The following CDKN2A variants were observed in gnomAD, a reference collection of about 807,000 sequenced individuals.
CDKN2A encodes the protein cyclin dependent kinase inhibitor 2A.
A neutral mutation model predicts 11.1 loss-of-function variants in CDKN2A; 3 were observed. The ratio of observed to expected loss-of-function variants is 0.27; its 90% CI spans 0.12 to 0.70. CDKN2A has a LOEUF of 0.70. CDKN2A is among the 30% of genes least tolerant of loss of function. CDKN2A has a pLI of 0.77. For missense variants in CDKN2A, 265 were observed against 233.6 expected (o/e 1.13, Z -0.88); for synonymous variants, 122 against 108.1 (o/e 1.13, Z -0.80).
chr9:21,969,544 G>A (rs1237243009), intron 2 of CDKN2A: 3 of 391,418 alleles, frequency 7.7e-6, no homozygotes, highest in Non-Finnish European at 1.3e-5. Context: ...AGGGAGGAGG[G>A]AAGAAATGAA....
intron 1 of CDKN2A, chr9:21,994,662 T>G: frequency 5.8e-5 from 15 of 259,350 alleles, no homozygotes; most frequent in South Asian, 7.5e-5. Flanking sequence ...CCCTCCCGCC[T>G]ACCGCCACTT....
rs778009882 is a variant in CDKN2A, at chr9:21,991,712, T to A, written c.-4+2170A>T. 3.2e-5 allele frequency: 31 copies of A among 983,370 alleles called. No homozygotes were observed. The highest frequency in any genetic ancestry group is 3.7e-5 in the Non-Finnish European group (31 of 828,086). The allele number at this position is 983,370 out of a possible 1,614,324, so 60.9% of individuals were successfully genotyped here. ...AACCATCATAGACGGTAATAGGCTATGTTGTTGCTACCTTAGGATCATAAT... is the reference window on the plus strand; with the variant it reads ...AACCATCATAGACGGTAATAGGCTAAGTTGTTGCTACCTTAGGATCATAAT... On this transcript the variant is annotated intron_variant, in intron 2 of 3. Coordinates refer to the CDKN2A transcript ENST00000494262. This position sits in a 1 kb window ranked among gnomAD's most constrained non-coding sequence, Gnocchi z 5.2.
At position 21,974,374 on chromosome 9, in the gene CDKN2A, C is replaced by G. The variant is rs1819921390; in HGVS notation, c.150+304G>C. Reference sequence around the variant, plus strand: ...AGACTCCCTTTTTATCCCAAACGTTCGTAAATTTTGTATCTGATAAAGAGC... The same window carrying G: ...AGACTCCCTTTTTATCCCAAACGTTGGTAAATTTTGTATCTGATAAAGAGC... On this transcript the variant is annotated intron_variant, in intron 1 of 2. Transcript: ENST00000304494. The surrounding 1 kb of genome is among the most constrained non-coding windows in gnomAD (Gnocchi z 5.2). 6 of 1,541,408 alleles carry G rather than the reference C, an allele frequency of 3.9e-6. No homozygotes were observed. The highest frequency in any genetic ancestry group is 4.4e-6 in the Non-Finnish European group (5 of 1,139,666).
In CDKN2A at chr9:21,970,925, A is replaced by G. The variant is rs730881680; in HGVS notation, c.434T>C (p.Ile145Thr). 4.3e-6 allele frequency: 7 copies of G among 1,612,484 alleles called. No individual in the cohort carries two copies. In the East Asian group the frequency reaches 6.7e-5, roughly 15 times the overall value. The change falls in exon 2 of 3, where the codon ATA becomes ACA. Residue 145 changes from isoleucine (I) to threonine (T), a missense_variant. By Grantham distance (89) the Ile-to-Thr change is moderately conservative. Coordinates refer to ENST00000304494, the MANE Select transcript of CDKN2A (RefSeq NM_000077.5). The stretch of plus-strand genomic sequence containing the variant: ...ACCTGAGGGACCTTCCGCGGCATCT[A>G]TGCGGGCATGGTTACTGCCTCTGGT... ...GGTRGSNHAR[I>T]DAAEGPSDIP...
chr9:21,976,576 C>T (rs1465792297), upstream of CDKN2A, among the ~76,000 whole-genome samples: 1 of 151,470 alleles, frequency 6.6e-6, no homozygotes, highest in Non-Finnish European at 1.5e-5. Flanking sequence ...ATTAGCGGGG[C>T]TTGGTGGCGC....
At chr9:21,970,817 C>T (rs1819673754) in intron 2 of CDKN2A, 85 bp downstream of exon 2, 3 of 1,536,354 alleles carry the variant, frequency 2.0e-6, no homozygotes, top group Middle Eastern at 2.3e-4. Flanking sequence ...ACTGGTCTCC[C>T]GGGCTGAACT....
intron 2 of CDKN2A, among the ~76,000 whole-genome samples, chr9:21,984,843 A>C (rs535051966): frequency 4.3e-4 from 66 of 152,044 alleles, no homozygotes; most frequent in African/African-American, 1.6e-3. Context: ...GGGACTCTAT[A>C]GTCTTACTGT....
chr9:21,968,703 T>G lies in CDKN2A; in HGVS notation c.458-461A>C, dbSNP rs1563886558. 3.3e-6 allele frequency: 5 copies of G among 1,536,178 alleles called. No individual in the cohort carries two copies. Among genetic ancestry groups the G allele is most frequent in the South Asian group, 1.2e-5 (1 of 84,064 alleles). ...AGGGCGCCTCAGGCTCTGGCGCTCC[T>G]CGGCGGAATCCCGTAGCTTCCCTAC... On this transcript the variant is annotated intron_variant, in intron 2 of 2. Coordinates refer to ENST00000304494, the MANE Select transcript of CDKN2A (RefSeq NM_000077.5). The surrounding 1 kb of genome is among the most constrained non-coding windows in gnomAD (Gnocchi z 4.7).
upstream of CDKN2A, among the ~76,000 whole-genome samples, chr9:21,976,252 G>A (rs1393124843): frequency 3.9e-5 from 6 of 151,958 alleles, no homozygotes; most frequent in East Asian, 9.7e-4. Context: ...GGTGGCGCAC[G>A]TGTGTAATTC....
At chr9:21,970,869 C>A (rs2131091060) in intron 2 of CDKN2A, 33 bp downstream of exon 2, 1 of 1,606,732 alleles carries the variant, frequency 6.2e-7, no homozygotes, top group South Asian at 1.1e-5. Context: ...TGGAAGCTCT[C>A]AGGGTACAAA....
chr9:21,994,518 C>A lies in CDKN2A; in HGVS notation c.-176+303G>T, dbSNP rs1267098741. The A allele has an allele frequency of 4.5e-6, 6 of 1,323,724 alleles. No homozygotes were observed. In the African/African-American group the frequency reaches 6.3e-5, roughly 14 times the overall value. 82.0% of individuals were successfully genotyped at this position (1,323,724 alleles called of 1,614,324 possible). A position where few individuals can be genotyped will look rare whatever the true frequency, so the allele number is the denominator to read the frequency against. On this transcript the variant is annotated intron_variant, in intron 1 of 3. Transcript: ENST00000494262. The stretch of plus-strand genomic sequence containing the variant: ...GCCCGCCCCCCACCTTCACCCCCAC[C>A]CCCACCCCACCCCCACTCCCACCCG...
chr9:21,974,795 A>C lies in CDKN2A; in HGVS notation c.33T>G (p.Pro11=). The part of the protein sequence containing the change: MEPAAGSSME[P]SADWLATAAA... The stretch of plus-strand genomic sequence containing the variant: ...CGGCCGTGGCCAGCCAGTCAGCCGA[A>C]GGCTCCATGCTGCTCCCCGCCGCCG... Residue 11 remains proline (P), a synonymous_variant, in exon 1 of 3, where the codon CCT becomes CCG. Coordinates refer to ENST00000304494, the MANE Select transcript of CDKN2A (RefSeq NM_000077.5). This position sits in a 1 kb window ranked among gnomAD's most constrained non-coding sequence, Gnocchi z 5.2. The C allele has an allele frequency of 6.2e-7, 1 of 1,606,586 alleles. No homozygotes were observed. Among genetic ancestry groups the C allele is most frequent in the East Asian group, 2.2e-5 (1 of 44,822 alleles).
At position 21,971,491 on chromosome 9, in the gene CDKN2A, G is replaced by A. The variant is rs1256439309; in HGVS notation, c.151-283C>T. ...AATAGCAAAGGGGCAGGGACAGACT[G>A]ACTTTTACTCCAGGCTAACTTCCTG... On this transcript the variant is annotated intron_variant, in intron 1 of 2. Transcript: ENST00000304494. 5 of 645,070 alleles carry A rather than the reference G, an allele frequency of 7.8e-6. No individual in the cohort carries two copies. In the East Asian group the frequency reaches 1.6e-4, roughly 21 times the overall value. 40.0% of individuals were successfully genotyped at this position (645,070 alleles called of 1,614,324 possible).
chr9:21,969,509 G>C, intron 2 of CDKN2A: 1 of 380,644 alleles, frequency 2.6e-6, no homozygotes, highest in Non-Finnish European at 4.6e-6. Flanking sequence ...GCTTGAAGAG[G>C]GGGTGTTGGG....
chr9:21,970,457 A>G (rs754636407), intron 2 of CDKN2A: 2 of 381,936 alleles, frequency 5.2e-6, no homozygotes, highest in Non-Finnish European at 9.5e-6. Flanking sequence ...TCTCCAGATG[A>G]TGCCACGCAC....
At chr9:21,979,365 G>A (rs1820121572), upstream of CDKN2A, among the ~76,000 whole-genome samples, 1 of 152,166 alleles carries the variant, frequency 6.6e-6, no homozygotes, top group South Asian at 2.1e-4. Context: ...CATGAAGTGA[G>A]GCAGATGGAA....
upstream of CDKN2A, among the ~76,000 whole-genome samples, chr9:21,975,700 G>A (rs111814258): frequency 1.3e-5 from 2 of 152,196 alleles, no homozygotes; most frequent in African/African-American, 4.8e-5. Context: ...AATTCTGCCT[G>A]TAGGCAGATA....
At chr9:21,975,171 C>A, upstream of CDKN2A, 1 of 1,157,726 alleles carries the variant, frequency 8.6e-7, no homozygotes, top group Non-Finnish European at 1.1e-6. Flanking sequence ...GACTGGGCTC[C>A]TCCCCACCTG....
chr9:21,979,306 C>T (rs1234929270), upstream of CDKN2A, among the ~76,000 whole-genome samples: 2 of 152,110 alleles, frequency 1.3e-5, no homozygotes, highest in South Asian at 2.1e-4. Flanking sequence ...GGGGACACTG[C>T]GTTGACTACT....
Sources: allele counts gnomAD v4.1 joint callset (sites outside exome capture counted in the v4.1 genomes callset), GRCh38; gene constraint gnomAD v4.1.1; non-coding constraint Gnocchi (gnomAD v3.1); transcripts MANE v1.5; gene names NCBI Gene and HGNC (gene_info 2026-07-23, HGNC 2026-07-21).